The following GAP43 variants were observed in gnomAD, a reference collection of about 807,000 sequenced individuals.
GAP43 encodes the protein neuromodulin.
In GAP43, 6 loss-of-function variants were observed where a neutral mutation model predicts 18.6. The ratio of observed to expected loss-of-function variants is 0.32; its 90% CI spans 0.18 to 0.64. The LOEUF is 0.64. GAP43 is among the 30% of genes least tolerant of loss of function. GAP43 has a pLI of 0.78. For synonymous variants in GAP43, 115 were observed against 111.4 expected (o/e 1.03, Z -0.20); for missense variants, 292 against 295.5 (o/e 0.99, Z 0.09).
At chr3:115,663,580 G>A in intron 1 of GAP43, 1 of 1,307,654 alleles carries the variant, frequency 7.6e-7, no homozygotes, top group South Asian at 2.5e-5. Context: ...AATTTTCCCT[G>A]TCAAAATCTT....
intron 1 of GAP43, among the ~76,000 whole-genome samples, chr3:115,640,807 G>A (rs992213763): frequency 2.0e-5 from 3 of 151,896 alleles, no homozygotes; most frequent in Non-Finnish European, 2.9e-5. Flanking sequence ...AAATAATGAC[G>A]TTTACCGGAC....
At chr3:115,637,653 T>C (rs1468459373) in intron 1 of GAP43, among the ~76,000 whole-genome samples, 1 of 152,100 alleles carries the variant, frequency 6.6e-6, no homozygotes, top group African/African-American at 2.4e-5. Flanking sequence ...TAAGTCTCAC[T>C]TGGACTAGTG....
intron 2 of GAP43, among the ~76,000 whole-genome samples, chr3:115,708,836 T>A (rs1203763083): frequency 6.6e-6 from 1 of 151,710 alleles, no homozygotes; most frequent in African/African-American, 2.4e-5. Flanking sequence ...CAACAGCATC[T>A]ACTACAAGGA....
At chr3:115,707,637 C>T (rs1487507785) in intron 2 of GAP43, among the ~76,000 whole-genome samples, 1 of 152,164 alleles carries the variant, frequency 6.6e-6, no homozygotes, top group Non-Finnish European at 1.5e-5. Context: ...AGAATCAACT[C>T]TCTTAACTAC....
chr3:115,714,043 A>G (rs1390282169), intron 2 of GAP43, among the ~76,000 whole-genome samples: 1 of 152,130 alleles, frequency 6.6e-6, no homozygotes, highest in Non-Finnish European at 1.5e-5. Context: ...TATTACAGTA[A>G]TTTGCTAGCA....
In GAP43 at chr3:115,698,065, ATT is replaced by A. The variant is rs1559804114; in HGVS notation, c.628+21456_628+21457del. 1.5e-3 allele frequency among the ~76,000 whole-genome samples: 106 copies of A among 69,602 alleles called. 4 individuals carry two copies. The highest frequency in any genetic ancestry group is 6.7e-3 in the East Asian group (17 of 2,520). 45.7% of individuals were successfully genotyped at this position (69,602 alleles called of 152,430 possible). A position where few individuals can be genotyped will look rare whatever the true frequency, so the allele number is the denominator to read the frequency against. Reference sequence around the variant, plus strand: ...ATATTATATATTATATAAAATATATATTATATATAATATATAAAATATGTATT... The same window carrying A: ...ATATTATATATTATATAAAATATATAATATATAATATATAAAATATGTATT... On this transcript the variant is annotated intron_variant, in intron 2 of 2. Transcript: ENST00000305124.
intron 1 of GAP43, among the ~76,000 whole-genome samples, chr3:115,631,359 G>A (rs28370255): frequency 0.13 from 19,994 of 152,054 alleles, 1,721 homozygotes; most frequent in East Asian, 0.33. Flanking sequence ...TCTGTGTAGT[G>A]GGTACATAAA....
chr3:115,641,382 TTG>T lies in GAP43; in HGVS notation c.30+17677_30+17678del, dbSNP rs894619973. On this transcript the variant is annotated intron_variant, in intron 1 of 2. Transcript: ENST00000305124. ...TGTGTGTACATACACACATAGGAGT[TTG>T]TGTGTGTGTGTGTATACATACACAC... Among the ~76,000 whole-genome samples, 1,331 of 150,918 alleles carry T rather than the reference TTG, an allele frequency of 8.8e-3. 21 individuals are homozygous for T. Among genetic ancestry groups the T allele is most frequent in the African/African-American group, 0.03 (1,234 of 41,176 alleles).
intron 1 of GAP43, among the ~76,000 whole-genome samples, chr3:115,663,044 A>G (rs1272369092): frequency 6.6e-6 from 1 of 152,188 alleles, no homozygotes; most frequent in Non-Finnish European, 1.5e-5. Flanking sequence ...CTCCCTGCAG[A>G]ACCACAAAGT....
chr3:115,679,292 A>G (rs1708930307), intron 2 of GAP43, among the ~76,000 whole-genome samples: 2 of 152,124 alleles, frequency 1.3e-5, no homozygotes, highest in Non-Finnish European at 2.9e-5. Context: ...TTTAATACCT[A>G]TGGAAATGTT....
At chr3:115,650,833 G>A (rs569661086) in intron 1 of GAP43, among the ~76,000 whole-genome samples, 1 of 152,224 alleles carries the variant, frequency 6.6e-6, no homozygotes, top group Admixed American at 6.5e-5. Flanking sequence ...AGTGTGTGGA[G>A]GAAAGTAAAA....
intron 1 of GAP43, chr3:115,663,848 A>C: frequency 1.9e-6 from 3 of 1,552,070 alleles, no homozygotes; most frequent in Non-Finnish European, 2.6e-6. Flanking sequence ...AGGCTTGAGG[A>C]AAAATCTTCA....
At chr3:115,635,082 G>A (rs924312654) in intron 1 of GAP43, among the ~76,000 whole-genome samples, 1 of 152,044 alleles carries the variant, frequency 6.6e-6, no homozygotes, top group African/African-American at 2.4e-5. Flanking sequence ...AATCCAAACT[G>A]GGAGTTTGAT....
chr3:115,653,319 G>A (rs564942005), intron 1 of GAP43, among the ~76,000 whole-genome samples: 3,420 of 152,158 alleles, frequency 0.022, 113 homozygotes, highest in African/African-American at 0.076. Flanking sequence ...GCGCATGCCT[G>A]TAATCCCACC....
At chr3:115,698,148 TTATATATAA>T (rs1709235546) in intron 2 of GAP43, among the ~76,000 whole-genome samples, 2 of 6,178 alleles carry the variant, frequency 3.2e-4, no homozygotes, top group East Asian at 0.032. Context: ...ATAATATATA[TTATATATAA>T]TATATAAAAT....
Position 115,623,573 on chromosome 3 carries a change from C to A in GAP43, c.-117C>A. The A allele has an allele frequency of 2.2e-6, 3 of 1,355,244 alleles. No individual in the cohort carries two copies. Among genetic ancestry groups the A allele is most frequent in the Non-Finnish European group, 3.1e-6 (3 of 962,310 alleles). 84.0% of individuals were successfully genotyped at this position (1,355,244 alleles called of 1,614,324 possible). On this transcript the variant is annotated 5_prime_UTR_variant, in exon 1 of 3. Coordinates refer to ENST00000305124, the MANE Select transcript of GAP43 (RefSeq NM_002045.4). ...GAGAGGGAGGGAGGGAGAGAGAGCG[C>A]GCTAGCGCGAGAGAGCGAGTGAGCA... is the stretch of plus-strand genomic sequence containing the variant.
At chr3:115,716,039 C>T (rs1709498186) in intron 2 of GAP43, among the ~76,000 whole-genome samples, 1 of 152,180 alleles carries the variant, frequency 6.6e-6, no homozygotes, top group African/African-American at 2.4e-5. Context: ...GTACACTTCG[C>T]ACTGTTCTGA....
intron 1 of GAP43, among the ~76,000 whole-genome samples, chr3:115,642,440 C>T (rs1708408969): frequency 6.6e-6 from 1 of 151,192 alleles, no homozygotes; most frequent in Admixed American, 6.6e-5. Flanking sequence ...ACTCTTTACC[C>T]TAAATTAGCT....
chr3:115,626,350 C>T (rs990937231), intron 1 of GAP43, among the ~76,000 whole-genome samples: 27 of 152,090 alleles, frequency 1.8e-4, no homozygotes, highest in Admixed American at 1.4e-3. Flanking sequence ...TCCACTTGAG[C>T]GGCATAAAGA....
Sources: allele counts gnomAD v4.1 joint callset (sites outside exome capture counted in the v4.1 genomes callset), GRCh38; gene constraint gnomAD v4.1.1; transcripts MANE v1.5; gene names NCBI Gene and HGNC (gene_info 2026-07-23, HGNC 2026-07-21).